Variants in FASN observed in about 807,000 individuals in gnomAD.
FASN encodes 3-hydroxyacyl-[acyl-carrier-protein] dehydratase.
A neutral mutation model predicts 250.0 loss-of-function variants in FASN; 50 were observed. That is an observed-to-expected ratio of 0.20 (90% CI 0.16 to 0.25). The LOEUF is 0.25. Ranked by LOEUF, FASN falls within the 10% of genes least tolerant of loss-of-function variation. The pLI, the probability that FASN is intolerant of heterozygous loss-of-function variation, is 1.00. For missense variants in FASN, 3,031 were observed against 3,498.5 expected (o/e 0.87, Z 3.37); for synonymous variants, 1,909 against 1,584.0 (o/e 1.21, Z -4.87).
rs17848940 is a variant in FASN, at chr17:82,085,400, G to T, written c.4125C>A (p.Asp1375Glu). The stretch of plus-strand genomic sequence containing the variant: ...CCCTGGAGAAGAGGCTCTCCCACGC[G>T]TCCTGTGGGGGCGGTGGTCAGCACC... Reference protein sequence around the residue: ...PQYGQGILSQDAWESLFSRVS... With the variant: ...PQYGQGILSQEAWESLFSRVS... The change falls in exon 24 of 43, where the codon GAC becomes GAA. Residue 1375 changes from aspartate to glutamate, a missense_variant and splice_region_variant. By Grantham distance (45) the Asp-to-Glu change is conservative. Transcript: ENST00000306749. The T allele has an allele frequency of 1.2e-6, 2 of 1,609,666 alleles. No homozygotes were observed. The highest frequency in any genetic ancestry group is 1.3e-5 in the African/African-American group (1 of 74,836).
At chr17:82,094,468 T>C (rs1037128081) in intron 3 of FASN, among the ~76,000 whole-genome samples, 2 of 151,270 alleles carry the variant, frequency 1.3e-5, no homozygotes, top group African/African-American at 4.9e-5. Context: ...GAGGTCCTTC[T>C]CCGCCCGGGG....
intron 1 of FASN, chr17:82,096,992 T>G (rs772101710): frequency 8.3e-5 from 19 of 228,500 alleles, no homozygotes; most frequent in Non-Finnish European, 1.5e-4. Flanking sequence ...AGGGGGGTAC[T>G]CAGCACCCAT....
rs2034237995 is a variant in FASN at position 82,092,914 on chromosome 17, T to C, written c.761A>G (p.Asp254Gly). ...GAGCCCACCTTGCTCCTTGAAGCCA[T>C]CTGTATTGGTGCCGGCGTTCAGGAT... ...ATILNAGTNT[D>G]GFKEQGVTFP... is the part of the protein sequence containing the mutation. Residue 254 changes from aspartate (D) to glycine (G), a missense_variant, in exon 6 of 43, where the codon GAT (aspartate) becomes GGT (glycine). Coordinates refer to ENST00000306749, the MANE Select transcript of FASN (RefSeq NM_004104.5). 1 of 1,604,846 alleles carries C rather than the reference T, an allele frequency of 6.2e-7. No individual in the cohort carries two copies.
At chr17:82,085,446 C>T (rs769183067) in intron 23 of FASN, 36 bp downstream of exon 23, 12 of 1,594,378 alleles carry the variant, frequency 7.5e-6, no homozygotes, top group East Asian at 4.6e-5. Flanking sequence ...GGCCCTCACC[C>T]GGCCCCCACC....
rs1477328937 is a variant in FASN at position 82,085,642 on chromosome 17, G to A, written c.3962C>T (p.Ala1321Val). The A allele has an allele frequency of 6.3e-6, 10 of 1,593,864 alleles. No individual in the cohort carries two copies. Among genetic ancestry groups the A allele is most frequent in the African/African-American group, 1.3e-5 (1 of 74,424 alleles). ...GAGAGCTGAGGCCGGGTCCCCGAGG[G>A]CAGCCACAGCACAGTTGCACACCAG... Reference protein sequence around the residue: ...DLLVCNCAVAALGDPASALSN... With the variant: ...DLLVCNCAVAVLGDPASALSN... Residue 1321 changes from alanine (A) to valine (V), a missense_variant, in exon 23 of 43, where the codon GCC becomes GTC. Physicochemically the swap from Ala to Val is moderately conservative, Grantham distance 64. Transcript: ENST00000306749.
In FASN at chr17:82,087,783, G is replaced by A. The variant is rs1467640635; in HGVS notation, c.2945C>T (p.Pro982Leu). ...PESPTPNPTE[P>L]LFLAQAEVYK... is the part of the protein sequence containing the mutation. ...AACTTCAGCCTGGGCCAGGAAGAGGGGCTCCGTGGGGTTGGGGGTGGGGCT... is the reference window on the plus strand; with the variant it reads ...AACTTCAGCCTGGGCCAGGAAGAGGAGCTCCGTGGGGTTGGGGGTGGGGCT... The change falls in exon 19 of 43, where the codon CCC becomes CTC. Residue 982 changes from proline to leucine, a missense_variant. By Grantham distance (98) the Pro-to-Leu change is moderately conservative. Coordinates refer to ENST00000306749, the MANE Select transcript of FASN (RefSeq NM_004104.5). 6.2e-7 allele frequency: 1 copy of A among 1,612,644 alleles called. No individual in the cohort carries two copies.
At position 82,089,086 on chromosome 17, in the gene FASN, CGTG is replaced by C; in HGVS notation, c.2184_2186del (p.Thr729del). 1 of 1,578,226 alleles carries C rather than the reference CGTG, an allele frequency of 6.3e-7. No homozygotes were observed. Among genetic ancestry groups the C allele is most frequent in the Non-Finnish European group, 8.6e-7 (1 of 1,162,910 alleles). On this transcript the variant is annotated inframe_deletion, in exon 14 of 43. Transcript: ENST00000306749. ...TGTTGACATTGTACTCGGCGGAGGA[CGTG>C]CGTGCCAGGCTGCTGTGCCACTGGG... is the stretch of plus-strand genomic sequence containing the variant.
chr17:82,089,863 G>A, intron 11 of FASN, 137 bp from the exon 12 acceptor site: 1 of 795,784 alleles, frequency 1.3e-6, no homozygotes, highest in African/African-American at 1.7e-5. Flanking sequence ...TCATGAGAAA[G>A]GTTCGCCCCC....
chr17:82,096,178 G>A, intron 2 of FASN, 141 bp downstream of exon 2: 1 of 1,347,920 alleles, frequency 7.4e-7, no homozygotes, highest in Non-Finnish European at 1.0e-6. Context: ...GCCCATGGGT[G>A]ACCAGTGGCT....
At chr17:82,086,601 G>C in intron 21 of FASN, 43 bp from the exon 22 acceptor site, 1 of 1,493,184 alleles carries the variant, frequency 6.7e-7, no homozygotes, top group South Asian at 1.1e-5. Flanking sequence ...CAAAGCCCCA[G>C]GGCATCTGCC....
intron 41 of FASN, 172 bp from the exon 42 acceptor site, chr17:82,079,780 G>A (rs2033955495): frequency 9.7e-6 from 9 of 924,252 alleles, no homozygotes; most frequent in Non-Finnish European, 1.4e-5. Flanking sequence ...CGGTTCAAGC[G>A]ATTCTCCTCC....
intron 22 of FASN, 120 bp downstream of exon 22, chr17:82,086,134 C>A (rs1480695405): frequency 6.7e-7 from 1 of 1,495,154 alleles, no homozygotes; most frequent in African/African-American, 1.4e-5. Context: ...ACACAGGGAA[C>A]TGGCCGGCCC....
Position 82,089,365 on chromosome 17 carries a change from A to C in FASN, c.1985T>G (p.Val662Gly). 6.2e-7 allele frequency: 1 copy of C among 1,612,766 alleles called. No individual in the cohort carries two copies. The highest frequency in any genetic ancestry group is 8.5e-7 in the Non-Finnish European group (1 of 1,179,976). ...SGPQAPVFEF[V>G]EQLRKEGVFA... ...CACACCCTCCTTCCTCAGCTGCTCC[A>C]CGAACTCAAACACCGGGGCCTGGAC... The change falls in exon 13 of 43, where the codon GTG (valine) becomes GGG (glycine). Residue 662 changes from valine to glycine, a missense_variant. Coordinates refer to ENST00000306749, the MANE Select transcript of FASN (RefSeq NM_004104.5).
At chr17:82,084,743 T>C (rs2034058524) in intron 26 of FASN, 27 bp from the exon 27 acceptor site, 4 of 1,550,578 alleles carry the variant, frequency 2.6e-6, no homozygotes, top group Admixed American at 2.0e-5. Context: ...GTGGGGCTGC[T>C]GCGGGGCCTT....
At position 82,092,583 on chromosome 17, in the gene FASN, C is replaced by T; in HGVS notation, c.901G>A (p.Asp301Asn). 1.9e-6 allele frequency: 3 copies of T among 1,589,556 alleles called. No individual in the cohort carries two copies. The highest frequency in any genetic ancestry group is 2.6e-6 in the Non-Finnish European group (3 of 1,169,852). Residue 301 changes from aspartate (D) to asparagine (N), a missense_variant, in exon 8 of 43, where the codon GAC becomes AAC. Transcript: ENST00000306749. Reference protein sequence around the residue: ...EAHGTGTKVGDPQELNGITRA... With the variant: ...EAHGTGTKVGNPQELNGITRA... ...GTGATGCCATTCAGCTCCTGGGGGT[C>T]GCCCACCTGTGGGAAACATGGGGGG... is the stretch of plus-strand genomic sequence containing the variant.
At position 82,086,956 on chromosome 17, in the gene FASN, G is replaced by A. The variant is rs545967867; in HGVS notation, c.3427+94C>T. 8.3e-6 allele frequency: 12 copies of A among 1,443,656 alleles called. No homozygotes were observed. The East Asian group carries it at 1.9e-4, about 23-fold the overall frequency. The allele number at this position is 1,443,656 out of a possible 1,614,324, so 89.4% of individuals were successfully genotyped here. On this transcript the variant is annotated intron_variant, in intron 21 of 42. Coordinates refer to ENST00000306749, the MANE Select transcript of FASN (RefSeq NM_004104.5). ...GCTAGGGTTGCTGACCCCAAAGGGG[G>A]CCCCGTGGAGAAGCAAGTCTGGGGT...
intron 12 of FASN, 57 bp from the exon 13 acceptor site, chr17:82,089,441 G>A (rs2034163636): frequency 1.9e-6 from 3 of 1,612,234 alleles, no homozygotes; most frequent in Non-Finnish European, 2.5e-6. Context: ...CTCAGGCTCG[G>A]AGAGGTAGGG....
chr17:82,088,274 A>G lies in FASN; in HGVS notation c.2627T>C (p.Val876Ala). The change falls in exon 17 of 43, where the codon GTG becomes GCG. Residue 876 changes from valine (V) to alanine (A), a missense_variant. Transcript: ENST00000306749. Reference sequence around the variant, plus strand: ...GACGCGACCGTCGAGGGTGTGGTCCACCAGGTAGTGGTCAGGAGACTCGGA... The same window carrying G: ...GACGCGACCGTCGAGGGTGTGGTCCGCCAGGTAGTGGTCAGGAGACTCGGA... Reference protein sequence around the residue: ...TSSESPDHYLVDHTLDGRVLF... With the variant: ...TSSESPDHYLADHTLDGRVLF... 1 of 1,606,310 alleles carries G rather than the reference A, an allele frequency of 6.2e-7. No individual in the cohort carries two copies. The highest frequency in any genetic ancestry group is 8.5e-7 in the Non-Finnish European group (1 of 1,179,946).
In FASN at chr17:82,080,809, C is replaced by T. The variant is rs779448861; in HGVS notation, c.6709G>A (p.Val2237Met). 2.1e-5 allele frequency: 33 copies of T among 1,608,598 alleles called. No homozygotes were observed. The highest frequency in any genetic ancestry group is 1.6e-4 in the South Asian group (14 of 90,208). ...AACAGGGGCCGCTCCGAGCTCTGCA[C>T]GGAGTTGAGCCGCATCAGGGTGGGG... The part of the protein sequence containing the change: ...EGPTLMRLNS[V>M]QSSERPLFLV... Residue 2237 changes from valine to methionine, a missense_variant, in exon 39 of 43, where the codon GTG (valine) becomes ATG (methionine). By Grantham distance (21) the Val-to-Met change is conservative. Transcript: ENST00000306749.
Sources: gnomAD v4.1 joint callset for allele counts (sites outside exome capture counted in the v4.1 genomes callset) on GRCh38, gnomAD v4.1.1 for gene constraint, MANE v1.5 for transcripts, NCBI Gene and HGNC (gene_info 2026-07-23, HGNC 2026-07-21) for gene names.